The following KCNIP4 variants were observed in gnomAD, a reference collection of about 807,000 sequenced individuals.
The protein encoded by KCNIP4 is Kv channel-interacting protein 4.
In KCNIP4, 12 loss-of-function variants were observed where a neutral mutation model predicts 34.0. That is an observed-to-expected ratio of 0.35 (90% CI 0.23 to 0.57). The LOEUF (loss-of-function observed/expected upper bound fraction) is 0.57, where lower values mean the gene tolerates loss of function less well. KCNIP4 is among the 20% of genes least tolerant of loss of function. The pLI is 0.83. For missense variants in KCNIP4, 238 were observed against 311.7 expected (o/e 0.76, Z 1.78); for synonymous variants, 124 against 102.2 (o/e 1.21, Z -1.29).
chr4:21,141,948 G>A (rs1271023681), intron 1 of KCNIP4, among the ~76,000 whole-genome samples: 4 of 150,674 alleles, frequency 2.7e-5, no homozygotes, highest in South Asian at 2.1e-4. Context: ...TCAGAAGTTC[G>A]AGACCAGCCT....
intron 1 of KCNIP4, among the ~76,000 whole-genome samples, chr4:21,526,143 C>T (rs926921283): frequency 6.6e-6 from 1 of 152,106 alleles, no homozygotes; most frequent in Non-Finnish European, 1.5e-5. Context: ...TCTGTGTCCC[C>T]ACCCAAATCA....
At chr4:20,875,676 C>CA (rs1179687156) in intron 2 of KCNIP4, among the ~76,000 whole-genome samples, 2 of 152,050 alleles carry the variant, frequency 1.3e-5, no homozygotes, top group Non-Finnish European at 2.9e-5. Context: ...TAGCTAAATT[C>CA]ACCAAGGAGT....
chr4:21,697,713 C>T (rs1036750880), intron 1 of KCNIP4: 2 of 1,208,878 alleles, frequency 1.7e-6, no homozygotes. Context: ...GACAGGCTGC[C>T]GGTTCACACT....
At position 21,262,524 on chromosome 4, in the gene KCNIP4, C is replaced by T. The variant is rs374433972; in HGVS notation, c.62-379815G>A. ...CTTCCTGGCTTCATGATGGATTTAGCTCTGCAATTGAAATGTACTTCCCTT... is the reference window on the plus strand; with the variant it reads ...CTTCCTGGCTTCATGATGGATTTAGTTCTGCAATTGAAATGTACTTCCCTT... On this transcript the variant is annotated intron_variant, in intron 1 of 8. Transcript: ENST00000382152. Among the ~76,000 whole-genome samples, 12 of 152,290 alleles carry T rather than the reference C, an allele frequency of 7.9e-5. No homozygotes were observed. The East Asian group carries it at 2.1e-3, about 27-fold the overall frequency.
chr4:21,802,344 T>C (rs574454797), intron 1 of KCNIP4, among the ~76,000 whole-genome samples: 2 of 152,312 alleles, frequency 1.3e-5, no homozygotes, highest in East Asian at 3.9e-4. Flanking sequence ...AGTAATATTA[T>C]CCTCGCTTTA....
At chr4:21,204,437 G>A (rs907359000) in intron 1 of KCNIP4, among the ~76,000 whole-genome samples, 6 of 152,118 alleles carry the variant, frequency 3.9e-5, no homozygotes, top group African/African-American at 1.2e-4. Context: ...TCTGTAAATC[G>A]TAAAGTGCTT....
intron 1 of KCNIP4, among the ~76,000 whole-genome samples, chr4:21,840,698 T>A (rs1723623346): frequency 6.6e-6 from 1 of 152,156 alleles, no homozygotes; most frequent in African/African-American, 2.4e-5. Context: ...TTAATACCTT[T>A]TCACTAAAAT....
At chr4:21,595,216 C>T (rs1742548712) in intron 1 of KCNIP4, among the ~76,000 whole-genome samples, 1 of 152,098 alleles carries the variant, frequency 6.6e-6, no homozygotes, top group South Asian at 2.1e-4. Context: ...TGTTCAACTC[C>T]CACTAATGAG....
At chr4:20,942,417 T>A (rs978375639) in intron 1 of KCNIP4, among the ~76,000 whole-genome samples, 31 of 152,272 alleles carry the variant, frequency 2.0e-4, no homozygotes, top group Admixed American at 1.9e-3. Flanking sequence ...AAATAGAACA[T>A]CTCCAAGGAT....
chr4:21,120,070 T>C (rs1189727399), intron 1 of KCNIP4, among the ~76,000 whole-genome samples: 1 of 152,082 alleles, frequency 6.6e-6, no homozygotes, highest in Non-Finnish European at 1.5e-5. Context: ...GGTTCAGCAG[T>C]GCAAGGGAGA....
chr4:21,589,170 A>G (rs1343435491), intron 1 of KCNIP4, among the ~76,000 whole-genome samples: 20 of 49,122 alleles, frequency 4.1e-4, no homozygotes, highest in African/African-American at 1.4e-3. Context: ...ATATATATAT[A>G]TATATATATA....
At chr4:21,878,601 G>A (rs1434625018) in intron 1 of KCNIP4, among the ~76,000 whole-genome samples, 1 of 152,182 alleles carries the variant, frequency 6.6e-6, no homozygotes, top group African/African-American at 2.4e-5. Flanking sequence ...AGATGACAAT[G>A]AGCAATGCTT....
At chr4:21,547,495 A>T (rs1242158452) in intron 1 of KCNIP4, among the ~76,000 whole-genome samples, 2 of 152,086 alleles carry the variant, frequency 1.3e-5, no homozygotes, top group Non-Finnish European at 2.9e-5. Context: ...ATATGATAAT[A>T]TTGCTCACAA....
chr4:21,231,456 G>A (rs370283714), intron 1 of KCNIP4, among the ~76,000 whole-genome samples: 8 of 152,018 alleles, frequency 5.3e-5, no homozygotes, highest in Admixed American at 2.0e-4. Context: ...AATGAGTAGC[G>A]TTACTTTTTT....
At chr4:21,556,014 G>C (rs1738974966) in intron 1 of KCNIP4, among the ~76,000 whole-genome samples, 1 of 152,126 alleles carries the variant, frequency 6.6e-6, no homozygotes, top group Admixed American at 6.6e-5. Flanking sequence ...GCAAAGGAAA[G>C]AGTATCTTTT....
intron 1 of KCNIP4, among the ~76,000 whole-genome samples, chr4:21,107,598 C>T: frequency 6.7e-6 from 1 of 148,750 alleles, no homozygotes; most frequent in Non-Finnish European, 1.5e-5. Flanking sequence ...AGTCCATTTA[C>T]ATTTAAAGTT....
At chr4:21,809,904 A>T (rs1721522338) in intron 1 of KCNIP4, among the ~76,000 whole-genome samples, 1 of 152,204 alleles carries the variant, frequency 6.6e-6, no homozygotes, top group Non-Finnish European at 1.5e-5. Flanking sequence ...TTTAGAACTG[A>T]CATCCTAGAA....
intron 1 of KCNIP4, among the ~76,000 whole-genome samples, chr4:21,354,261 T>A (rs1182417633): frequency 6.6e-6 from 1 of 152,254 alleles, no homozygotes; most frequent in Middle Eastern, 3.4e-3. Flanking sequence ...AATAACCAGA[T>A]AACATCATAA....
intron 1 of KCNIP4, among the ~76,000 whole-genome samples, chr4:21,539,258 G>A (rs1737476868): frequency 1.3e-5 from 2 of 152,124 alleles, no homozygotes; most frequent in African/African-American, 2.4e-5. Flanking sequence ...AGCACCATTT[G>A]AACTGCCACA....
Sources: gnomAD v4.1 joint callset for allele counts (sites outside exome capture counted in the v4.1 genomes callset) on GRCh38, gnomAD v4.1.1 for gene constraint, MANE v1.5 for transcripts, NCBI Gene and HGNC (gene_info 2026-07-23, HGNC 2026-07-21) for gene names.